PPM1E: variants seen among roughly 807,000 people sequenced by gnomAD.
PPM1E encodes protein phosphatase, Mg2+/Mn2+ dependent 1E, also known as protein phosphatase 1E.
Under a neutral mutation model 65.9 loss-of-function variants are expected in PPM1E, and 20 were observed. That is an observed-to-expected ratio of 0.30 (90% CI 0.21 to 0.44). The LOEUF is 0.44. Among genes scored for constraint, PPM1E ranks in the 20% least tolerant of loss-of-function variants. The probability of loss-of-function intolerance (pLI) is 1.00; values close to 1 mark genes in which losing one functional copy is unlikely to be tolerated. For missense variants in PPM1E, 713 were observed against 953.1 expected (o/e 0.75, Z 3.32); for synonymous variants, 352 against 374.9 (o/e 0.94, Z 0.70).
chr17:58,854,477 G>A (rs1159078867), intron 1 of PPM1E, among the ~76,000 whole-genome samples: 1 of 152,110 alleles, frequency 6.6e-6, no homozygotes, highest in East Asian at 1.9e-4. Context: ...AGGCAACCTT[G>A]CCTTGTTCCT....
chr17:58,905,057 A>G (rs2051542267), intron 1 of PPM1E, among the ~76,000 whole-genome samples: 1 of 150,772 alleles, frequency 6.6e-6, no homozygotes, highest in Admixed American at 6.6e-5. Flanking sequence ...AAAAAACAAC[A>G]AACAATTTCT....
chr17:58,955,995 AG>A (rs1431442965), intron 2 of PPM1E, among the ~76,000 whole-genome samples: 1 of 152,218 alleles, frequency 6.6e-6, no homozygotes, highest in Non-Finnish European at 1.5e-5. Flanking sequence ...AGTATTTAGA[AG>A]GTAACTGGAG....
rs539361160 is a variant in PPM1E, at chr17:58,867,719, A to T, written c.465-87930A>T. ...TATAAATTGCAATTAAAAGGATCAG[A>T]TTTGGAAAAATTTTTGTATCTCACA... On this transcript the variant is annotated intron_variant, in intron 1 of 6. Transcript: ENST00000308249. Among the ~76,000 whole-genome samples the T allele has an allele frequency of 4.9e-4, 74 of 152,332 alleles. 2 individuals carry two copies. In the South Asian group the frequency reaches 0.015, roughly 31 times the overall value.
At chr17:58,879,544 C>T (rs2143382524) in intron 1 of PPM1E, among the ~76,000 whole-genome samples, 1 of 124,890 alleles carries the variant, frequency 8.0e-6, no homozygotes, top group African/African-American at 3.1e-5. Flanking sequence ...GAGTCTCGCT[C>T]TGTCGCCCAG....
At chr17:58,897,422 AAAAG>A (rs1184328359) in intron 1 of PPM1E, among the ~76,000 whole-genome samples, 3 of 151,856 alleles carry the variant, frequency 2.0e-5, no homozygotes, top group African/African-American at 7.3e-5. Flanking sequence ...TAAAAAAAAA[AAAAG>A]AAAAAAGAAA....
At position 58,756,333 on chromosome 17, in the gene PPM1E, G is replaced by A; in HGVS notation, c.336G>A (p.Ser112=). The A allele has an allele frequency of 7.2e-7, 1 of 1,397,252 alleles. No individual in the cohort carries two copies. The allele number at this position is 1,397,252 out of a possible 1,614,324, so 86.6% of individuals were successfully genotyped here. Residue 112 remains serine, a synonymous_variant, in exon 1 of 7, where the codon TCG becomes TCA. Coordinates refer to ENST00000308249, the MANE Select transcript of PPM1E (RefSeq NM_014906.5). ...AATAAAAPGH[S]AVPPPPPQLP... is the part of the protein sequence containing the mutation. ...CGGCGGCGGCAGCCCCGGGGCACTC[G>A]GCCGTGCCGCCGCCGCCGCCCCAGC...
At chr17:58,884,155 G>C (rs1350579225) in intron 1 of PPM1E, among the ~76,000 whole-genome samples, 2 of 152,066 alleles carry the variant, frequency 1.3e-5, no homozygotes, top group Non-Finnish European at 1.5e-5. Flanking sequence ...AGGGAGAGAT[G>C]GTCACCTGGA....
intron 1 of PPM1E, among the ~76,000 whole-genome samples, chr17:58,842,042 G>A (rs1488387592): frequency 1.3e-5 from 2 of 152,010 alleles, no homozygotes; most frequent in Admixed American, 6.6e-5. Flanking sequence ...GGGTTTCCCT[G>A]TGTTGGGTAG....
intron 1 of PPM1E, among the ~76,000 whole-genome samples, chr17:58,761,063 T>C (rs2049816242): frequency 6.6e-6 from 1 of 152,214 alleles, no homozygotes; most frequent in Admixed American, 6.5e-5. Context: ...CTTTAGTGTG[T>C]CTGGAGTTTG....
At chr17:58,782,698 C>T (rs999367809) in intron 1 of PPM1E, among the ~76,000 whole-genome samples, 11 of 151,910 alleles carry the variant, frequency 7.2e-5, no homozygotes, top group African/African-American at 2.7e-4. Context: ...AGGCATGAAC[C>T]ACCGTACCTG....
intron 1 of PPM1E, among the ~76,000 whole-genome samples, chr17:58,774,228 G>A (rs866568707): frequency 8.6e-5 from 13 of 151,536 alleles, no homozygotes; most frequent in Non-Finnish European, 8.8e-5. Flanking sequence ...CACTGCATTA[G>A]GGAGAATGTA....
At chr17:58,767,679 G>A (rs1342261607) in intron 1 of PPM1E, among the ~76,000 whole-genome samples, 1 of 152,010 alleles carries the variant, frequency 6.6e-6, no homozygotes, top group East Asian at 1.9e-4. Flanking sequence ...TTTCGCTCTT[G>A]TTGCTCAGGC....
At chr17:58,808,791 G>T (rs982034777) in intron 1 of PPM1E, among the ~76,000 whole-genome samples, 2 of 151,892 alleles carry the variant, frequency 1.3e-5, no homozygotes, top group Non-Finnish European at 2.9e-5. Flanking sequence ...GTCACTCTTG[G>T]CACACTTGTT....
intron 2 of PPM1E, among the ~76,000 whole-genome samples, chr17:58,965,033 G>A (rs1034089557): frequency 1.2e-4 from 16 of 138,332 alleles, no homozygotes; most frequent in Non-Finnish European, 2.2e-4. Context: ...CAACAAAAGC[G>A]AAACTCCGTC....
At chr17:58,821,793 A>G (rs1355453541) in intron 1 of PPM1E, among the ~76,000 whole-genome samples, 1 of 152,176 alleles carries the variant, frequency 6.6e-6, no homozygotes, top group Non-Finnish European at 1.5e-5. Flanking sequence ...TTAGAACTCC[A>G]TTGTTATTTG....
chr17:58,926,689 AT>A (rs902805582), intron 1 of PPM1E, among the ~76,000 whole-genome samples: 18 of 151,748 alleles, frequency 1.2e-4, no homozygotes, highest in East Asian at 1.9e-4. Context: ...AGAGAAGCTG[AT>A]TTTTTTTTAA....
chr17:58,829,738 A>G (rs916289163), intron 1 of PPM1E, among the ~76,000 whole-genome samples: 3 of 152,122 alleles, frequency 2.0e-5, no homozygotes, highest in Non-Finnish European at 2.9e-5. Context: ...TAAAAGATTC[A>G]TGGTTAGAAA....
intron 1 of PPM1E, among the ~76,000 whole-genome samples, chr17:58,787,809 A>C (rs1490278225): frequency 6.7e-6 from 1 of 150,218 alleles, no homozygotes; most frequent in Non-Finnish European, 1.5e-5. Context: ...CGGGAGGCTG[A>C]GGCAGGAGAA....
chr17:58,968,903 A>G (rs1239143670), intron 3 of PPM1E, among the ~76,000 whole-genome samples: 3 of 152,188 alleles, frequency 2.0e-5, no homozygotes, highest in Non-Finnish European at 4.4e-5. Flanking sequence ...CGCACAGGGC[A>G]TTTGAGCATC....
Sources: allele counts gnomAD v4.1 joint callset (sites outside exome capture counted in the v4.1 genomes callset), GRCh38; gene constraint gnomAD v4.1.1; transcripts MANE v1.5; gene names NCBI Gene and HGNC (gene_info 2026-07-23, HGNC 2026-07-21).